SLC25A21: variants seen among roughly 807,000 people sequenced by gnomAD.
SLC25A21 encodes the protein solute carrier family 25 member 21.
SLC25A21 carries 47 observed loss-of-function variants against 43.8 expected under a neutral mutation model. The observed-to-expected ratio is 1.07, with a 90% CI of 0.85 to 1.37. The LOEUF is 1.37. Ranked by LOEUF, SLC25A21 falls within the 40% of genes most tolerant of loss-of-function variation. The pLI, the probability that SLC25A21 is intolerant of heterozygous loss-of-function variation, is 0.00. For synonymous variants in SLC25A21, 131 were observed against 121.3 expected (o/e 1.08, Z -0.52); for missense variants, 352 against 350.2 (o/e 1.00, Z -0.04).
At chr14:37,088,818 G>A (rs1453506212) in intron 1 of SLC25A21, among the ~76,000 whole-genome samples, 10 of 152,124 alleles carry the variant, frequency 6.6e-5, no homozygotes, top group South Asian at 2.1e-4. Flanking sequence ...CGGCCCACCC[G>A]ACAGTAAGGC....
At chr14:36,815,111 T>C (rs1415609625) in intron 2 of SLC25A21, among the ~76,000 whole-genome samples, 1 of 151,378 alleles carries the variant, frequency 6.6e-6, no homozygotes, top group African/African-American at 2.4e-5. Flanking sequence ...TAAGTGGGAG[T>C]TGAACAACGA....
chr14:36,732,783 G>C (rs1329777887), intron 4 of SLC25A21, among the ~76,000 whole-genome samples: 1 of 152,048 alleles, frequency 6.6e-6, no homozygotes, highest in African/African-American at 2.4e-5. Flanking sequence ...TCTATAAAAT[G>C]AATGTTTTCA....
intron 1 of SLC25A21, among the ~76,000 whole-genome samples, chr14:36,893,706 G>C (rs1394417701): frequency 2.0e-5 from 3 of 152,018 alleles, no homozygotes; most frequent in African/African-American, 7.2e-5. Flanking sequence ...AATCCATCTT[G>C]AATTAATTTT....
At chr14:36,755,624 A>C (rs576046141) in intron 3 of SLC25A21, among the ~76,000 whole-genome samples, 1 of 152,342 alleles carries the variant, frequency 6.6e-6, no homozygotes, top group South Asian at 2.1e-4. Flanking sequence ...CTTATTGTGA[A>C]CCACACTTTG....
chr14:36,744,574 C>G (rs192091897), intron 3 of SLC25A21, among the ~76,000 whole-genome samples: 87 of 71,684 alleles, frequency 1.2e-3, no homozygotes, highest in Admixed American at 9.3e-4. Flanking sequence ...AGACTTGAAA[C>G]TATAAAAATA....
At chr14:36,681,124 A>G (rs755443630) in intron 9 of SLC25A21, among the ~76,000 whole-genome samples, 2 of 152,188 alleles carry the variant, frequency 1.3e-5, no homozygotes, top group African/African-American at 4.8e-5. Flanking sequence ...AGCAGTCTTA[A>G]TTGCATTCAA....
At chr14:37,119,923 T>C (rs1963176597) in intron 1 of SLC25A21, among the ~76,000 whole-genome samples, 1 of 152,144 alleles carries the variant, frequency 6.6e-6, no homozygotes, top group African/African-American at 2.4e-5. Context: ...AATGATATGA[T>C]ATGATATCTG....
chr14:37,040,009 A>C (rs1961411458), intron 1 of SLC25A21, among the ~76,000 whole-genome samples: 1 of 149,346 alleles, frequency 6.7e-6, no homozygotes, highest in Non-Finnish European at 1.5e-5. Context: ...AACCTGGCCA[A>C]CATGATGAAA....
In SLC25A21 at chr14:36,975,173, T is replaced by G. The variant is rs1277978756; in HGVS notation, c.71-100169A>C. On this transcript the variant is annotated intron_variant, in intron 1 of 9. Transcript: ENST00000331299. ...AGAAGGAAAGACATATATAAAGAAT[T>G]TAACTGATGATGTCAAAGAAGAAAC... 2.0e-5 allele frequency among the ~76,000 whole-genome samples: 3 copies of G among 152,110 alleles called. No individual in the cohort carries two copies. In the East Asian group the frequency reaches 5.8e-4, roughly 29 times the overall value.
At chr14:36,840,089 C>G (rs1363309109) in intron 2 of SLC25A21, among the ~76,000 whole-genome samples, 1 of 152,176 alleles carries the variant, frequency 6.6e-6, no homozygotes, top group African/African-American at 2.4e-5. Flanking sequence ...CAGCAGCACA[C>G]AGGTGGCCTT....
chr14:37,048,300 G>A (rs1052995676), intron 1 of SLC25A21, among the ~76,000 whole-genome samples: 4 of 152,014 alleles, frequency 2.6e-5, no homozygotes, highest in African/African-American at 7.2e-5. Context: ...ATTCCTCCTA[G>A]TGGCCATGTC....
At chr14:36,914,007 A>G (rs911004) in intron 1 of SLC25A21, among the ~76,000 whole-genome samples, 29,205 of 152,188 alleles carry the variant, frequency 0.19, 4,046 homozygotes, top group East Asian at 0.38. Flanking sequence ...TCGAACTATT[A>G]TAATTATATA....
chr14:36,754,609 G>C (rs893180282), intron 3 of SLC25A21, among the ~76,000 whole-genome samples: 2 of 152,152 alleles, frequency 1.3e-5, no homozygotes, highest in African/African-American at 4.8e-5. Flanking sequence ...AGATCTCTCT[G>C]ATCCTGAAGC....
chr14:36,816,408 G>A (rs577991541), intron 2 of SLC25A21, among the ~76,000 whole-genome samples: 61 of 152,130 alleles, frequency 4.0e-4, no homozygotes, highest in African/African-American at 1.4e-3. Flanking sequence ...ATAAATAAAG[G>A]TGACAGGAAT....
At chr14:36,851,148 T>C (rs1594640094) in intron 2 of SLC25A21, among the ~76,000 whole-genome samples, 2 of 152,174 alleles carry the variant, frequency 1.3e-5, no homozygotes, top group Non-Finnish European at 2.9e-5. Context: ...TTAACTAAAC[T>C]TGGTATTTTT....
At chr14:37,055,808 C>T (rs1469156764) in intron 1 of SLC25A21, among the ~76,000 whole-genome samples, 4 of 152,160 alleles carry the variant, frequency 2.6e-5, no homozygotes, top group Non-Finnish European at 5.9e-5. Context: ...TGAAACTTCA[C>T]AAGTATTATA....
At chr14:36,978,204 T>A (rs774784365) in intron 1 of SLC25A21, among the ~76,000 whole-genome samples, 5 of 152,324 alleles carry the variant, frequency 3.3e-5, no homozygotes, top group Admixed American at 2.0e-4. Flanking sequence ...TTTTGATGGA[T>A]AATTCTTATC....
At chr14:37,058,634 T>A (rs1214632664) in intron 1 of SLC25A21, among the ~76,000 whole-genome samples, 1 of 152,230 alleles carries the variant, frequency 6.6e-6, no homozygotes, top group African/African-American at 2.4e-5. Context: ...GAGCATTATT[T>A]AGTCTAAACA....
At chr14:37,139,238 A>C (rs976698669) in intron 1 of SLC25A21, among the ~76,000 whole-genome samples, 1 of 152,144 alleles carries the variant, frequency 6.6e-6, no homozygotes, top group Non-Finnish European at 1.5e-5. Flanking sequence ...GATTTAAATC[A>C]AAAGTCTGCT....
Sources: allele counts gnomAD v4.1 joint callset (sites outside exome capture counted in the v4.1 genomes callset), GRCh38; gene constraint gnomAD v4.1.1; transcripts MANE v1.5; gene names NCBI Gene and HGNC (gene_info 2026-07-23, HGNC 2026-07-21).